SVEP1: variants seen among roughly 807,000 people sequenced by gnomAD.
SVEP1 encodes sushi, von Willebrand factor type A, EGF and pentraxin domain containing 1, also known as sushi, von Willebrand factor type A, EGF and pentraxin domain-containing protein 1.
In SVEP1, 164 loss-of-function variants were observed where a neutral mutation model predicts 367.3. That is an observed-to-expected ratio of 0.45 (90% CI 0.39 to 0.51). SVEP1 has a LOEUF of 0.51. Among genes scored for constraint, SVEP1 ranks in the 20% least tolerant of loss-of-function variants. SVEP1 has a pLI of 0.00. For missense variants in SVEP1, 4,117 were observed against 4,425.3 expected, an observed-to-expected ratio of 0.93 and a Z score of 1.98; for synonymous variants, 1,666 against 1,611.6, an observed-to-expected ratio of 1.03 and a Z score of -0.81.
chr9:110,404,817 G>A (rs1226066736), intron 38 of SVEP1, among the ~76,000 whole-genome samples: 2 of 152,146 alleles, frequency 1.3e-5, no homozygotes, highest in Non-Finnish European at 2.9e-5. Context: ...TTGAGTCCAG[G>A]AGCTTGAGAC....
Position 110,579,383 on chromosome 9 carries a change from T to C in SVEP1, c.161A>G (p.Asp54Gly), listed in dbSNP as rs185987674. ...GSIPAPPAPG[D>G]EAAGSRVERL... ...CTCCACTCTGCTCCCCGCCGCTTCGTCGCCAGGAGCGGGCGGCGCGGGGAT... is the reference window on the plus strand; with the variant it reads ...CTCCACTCTGCTCCCCGCCGCTTCGCCGCCAGGAGCGGGCGGCGCGGGGAT... Residue 54 changes from aspartate (D) to glycine (G), a missense_variant, in exon 1 of 48, where the codon GAC (aspartate) becomes GGC (glycine). This residue lies in a region of SVEP1 where 161 missense variants were observed against 122.4 expected (regional missense o/e 1.32). Transcript: ENST00000374469. The surrounding 1 kb of genome is among the most constrained non-coding windows in gnomAD (Gnocchi z 5.3). 5.8e-4 allele frequency: 910 copies of C among 1,565,712 alleles called. 5 individuals carry two copies. In the African/African-American group the frequency reaches 0.011, roughly 19 times the overall value.
Position 110,377,332 on chromosome 9 carries a change from G to A in SVEP1, c.10443C>T (p.Ile3481=), listed in dbSNP as rs751421864. The A allele has an allele frequency of 6.2e-6, 10 of 1,613,740 alleles. No individual in the cohort carries two copies. The South Asian group carries it at 1.1e-4, about 18-fold the overall frequency. Residue 3481 remains isoleucine (I), a synonymous_variant, in exon 45 of 48, where the codon ATC becomes ATT. Transcript: ENST00000374469. ...AGGAACAAGCATTTGGGCGTTGGCA[G>A]ATGCCCCCATTCTGACATGGAAATC... is the stretch of plus-strand genomic sequence containing the variant. ...VCRFPCQNGG[I]CQRPNACSCP... is the part of the protein sequence containing the mutation.
intron 42 of SVEP1, 136 bp downstream of exon 42, chr9:110,387,149 T>A (rs1352428673): frequency 3.8e-6 from 3 of 795,792 alleles, no homozygotes; most frequent in Non-Finnish European, 5.6e-6. Context: ...CCCAGAGAAT[T>A]CAGCTTGGAT....
chr9:110,381,031 G>C (rs953567638), intron 43 of SVEP1, among the ~76,000 whole-genome samples: 2 of 151,972 alleles, frequency 1.3e-5, no homozygotes, highest in Non-Finnish European at 2.9e-5. Context: ...TTCTCTGATG[G>C]TTGTTGTTTG....
chr9:110,479,135 G>A (rs991416986), intron 13 of SVEP1, among the ~76,000 whole-genome samples: 2 of 151,994 alleles, frequency 1.3e-5, no homozygotes, highest in African/African-American at 4.8e-5. Context: ...GGCCAGGCTG[G>A]TCTCGAACTC....
chr9:110,453,285 C>T (rs1828724189), intron 22 of SVEP1, among the ~76,000 whole-genome samples: 1 of 151,920 alleles, frequency 6.6e-6, no homozygotes, highest in Admixed American at 6.6e-5. Context: ...ATTATGGGGT[C>T]ATTACTATTT....
rs562849070 is a variant in SVEP1 at position 110,428,943 on chromosome 9, A to G, written c.5807+200T>C. ...AAATTAGCTGGGCATAGTGACGCAC[A>G]CCTGTAGTCCCTGCACTCAGGAGGC... On this transcript the variant is annotated intron_variant, in intron 35 of 47. Transcript: ENST00000374469. Among the ~76,000 whole-genome samples the G allele has an allele frequency of 2.0e-5, 3 of 152,220 alleles. No individual in the cohort carries two copies. In the East Asian group the frequency reaches 5.8e-4, roughly 29 times the overall value.
chr9:110,544,508 A>C (rs1029284873), intron 3 of SVEP1, among the ~76,000 whole-genome samples: 1 of 152,358 alleles, frequency 6.6e-6, no homozygotes, highest in South Asian at 2.1e-4. Flanking sequence ...AATGTAGAGC[A>C]CAAGATTCCT....
intron 3 of SVEP1, among the ~76,000 whole-genome samples, chr9:110,522,284 G>A (rs1040160302): frequency 6.6e-6 from 1 of 152,110 alleles, no homozygotes; most frequent in African/African-American, 2.4e-5. Flanking sequence ...AGCCTTCTGG[G>A]AGAAAACTCC....
chr9:110,423,784 A>T (rs1019199264), intron 36 of SVEP1, among the ~76,000 whole-genome samples: 2 of 150,606 alleles, frequency 1.3e-5, no homozygotes, highest in African/African-American at 4.9e-5. Flanking sequence ...TGAAAATATA[A>T]GTCAATATGA....
intron 40 of SVEP1, among the ~76,000 whole-genome samples, chr9:110,394,107 C>T (rs965541860): frequency 6.6e-6 from 1 of 152,124 alleles, no homozygotes; most frequent in South Asian, 2.1e-4. Context: ...AGGCACCCCC[C>T]AGTAGGGGCG....
intron 7 of SVEP1, 123 bp downstream of exon 7, chr9:110,498,918 G>A (rs1260221665): frequency 2.2e-5 from 16 of 726,844 alleles, no homozygotes; most frequent in Non-Finnish European, 2.5e-5. Flanking sequence ...GGATATTGGG[G>A]TAGCACCTAA....
intron 27 of SVEP1, 131 bp downstream of exon 27, chr9:110,443,414 T>C: frequency 1.2e-6 from 1 of 836,752 alleles, no homozygotes; most frequent in East Asian, 3.3e-5. Flanking sequence ...AATCAGGGAG[T>C]AGGAAATAAG....
chr9:110,414,884 A>G (rs903337226), intron 36 of SVEP1, among the ~76,000 whole-genome samples: 1 of 152,072 alleles, frequency 6.6e-6, no homozygotes, highest in Non-Finnish European at 1.5e-5. Context: ...GTCTGAACAT[A>G]TCTAATAATT....
chr9:110,403,806 A>G (rs777257934), intron 39 of SVEP1, among the ~76,000 whole-genome samples: 6 of 151,062 alleles, frequency 4.0e-5, no homozygotes, highest in Non-Finnish European at 8.8e-5. Context: ...TTCCTCCATT[A>G]TTTATCTCAT....
intron 26 of SVEP1, among the ~76,000 whole-genome samples, chr9:110,444,912 A>G (rs937340674): frequency 2.0e-5 from 3 of 152,194 alleles, no homozygotes; most frequent in African/African-American, 7.2e-5. Flanking sequence ...GATCAAGTAC[A>G]TTAAGAAGAA....
intron 5 of SVEP1, among the ~76,000 whole-genome samples, chr9:110,511,994 T>C (rs190970238): frequency 9.2e-5 from 14 of 152,236 alleles, no homozygotes; most frequent in Non-Finnish European, 1.9e-4. Context: ...AACAAACCAA[T>C]GAACCAGCAC....
intron 43 of SVEP1, among the ~76,000 whole-genome samples, chr9:110,384,433 C>CGGTG (rs1320562187): frequency 6.6e-6 from 1 of 151,984 alleles, no homozygotes; most frequent in Non-Finnish European, 1.5e-5. Flanking sequence ...TTGTTCTTCT[C>CGGTG]GGTGGGAGGC....
rs569505019 is a variant in SVEP1 at position 110,369,737 on chromosome 9, C to G, written c.10694+186G>C. ...TTTGAGATATTCTTGTTTTGTCAAT[C>G]CTGAACTAATATTTCTTAGCTTTGG... On this transcript the variant is annotated intron_variant, in intron 47 of 47. Coordinates refer to ENST00000374469, the MANE Select transcript of SVEP1 (RefSeq NM_153366.4). 4.5e-5 allele frequency: 26 copies of G among 579,782 alleles called. No individual in the cohort carries two copies. In the South Asian group the frequency reaches 6.1e-4, roughly 14 times the overall value. 35.9% of individuals were successfully genotyped at this position (579,782 alleles called of 1,614,324 possible). A position where few individuals can be genotyped will look rare whatever the true frequency, so the allele number is the denominator to read the frequency against.
Sources: allele counts gnomAD v4.1 joint callset (sites outside exome capture counted in the v4.1 genomes callset), GRCh38; gene constraint gnomAD v4.1.1; regional missense constraint gnomAD v4.1.1; non-coding constraint Gnocchi (gnomAD v3.1); transcripts MANE v1.5; gene names NCBI Gene and HGNC (gene_info 2026-07-23, HGNC 2026-07-21).